KDM4C: variants seen among roughly 807,000 people sequenced by gnomAD.
KDM4C encodes lysine-specific demethylase 4C.
A neutral mutation model predicts 129.3 loss-of-function variants in KDM4C; 81 were observed. That is an observed-to-expected ratio of 0.63 (90% CI 0.52 to 0.75). KDM4C has a LOEUF of 0.75. KDM4C is among the 30% of genes least tolerant of loss of function. The probability of loss-of-function intolerance (pLI) is 0.00; values close to 1 mark genes in which losing one functional copy is unlikely to be tolerated. For missense variants in KDM4C, 1,457 were observed against 1,304.0 expected, an observed-to-expected ratio of 1.12 and a Z score of -1.81; for synonymous variants, 573 against 456.1, an observed-to-expected ratio of 1.26 and a Z score of -3.26.
intron 17 of KDM4C, among the ~76,000 whole-genome samples, chr9:7,083,447 CAT>C (rs536438562): frequency 4.3e-4 from 66 of 152,284 alleles, no homozygotes; most frequent in African/African-American, 1.6e-3. Flanking sequence ...TGTGTGCAAA[CAT>C]AGAGTGTGCC....
chr9:6,906,761 T>G (rs1818397027), intron 8 of KDM4C, among the ~76,000 whole-genome samples: 2 of 152,150 alleles, frequency 1.3e-5, no homozygotes, highest in Non-Finnish European at 1.5e-5. Context: ...TTTAAAAATT[T>G]CTCTTTGGGT....
At chr9:7,059,197 G>A (rs1831274746) in intron 17 of KDM4C, among the ~76,000 whole-genome samples, 1 of 152,104 alleles carries the variant, frequency 6.6e-6, no homozygotes, top group South Asian at 2.1e-4. Flanking sequence ...TCACCCAGGT[G>A]GGAGTGCAGT....
intron 8 of KDM4C, among the ~76,000 whole-genome samples, chr9:6,919,864 T>C (rs1191936146): frequency 6.6e-6 from 1 of 152,118 alleles, no homozygotes; most frequent in East Asian, 1.9e-4. Context: ...TGTGAGCCAC[T>C]GCACCTGGCC....
At chr9:7,136,152 T>C (rs772815996) in intron 19 of KDM4C, among the ~76,000 whole-genome samples, 28 of 152,236 alleles carry the variant, frequency 1.8e-4, no homozygotes, top group Non-Finnish European at 3.7e-4. Context: ...TTTCAGACGC[T>C]TTGCAATGTT....
intron 1 of KDM4C, among the ~76,000 whole-genome samples, chr9:6,727,750 A>G (rs988985928): frequency 4.8e-5 from 7 of 145,388 alleles, no homozygotes; most frequent in Admixed American, 2.1e-4. Flanking sequence ...GAATCATTCT[A>G]CCTATACAAA....
chr9:7,066,980 A>G (rs902219248), intron 17 of KDM4C, among the ~76,000 whole-genome samples: 1 of 152,232 alleles, frequency 6.6e-6, no homozygotes, highest in Non-Finnish European at 1.5e-5. Context: ...ACAAGAGGGA[A>G]TCAGTGGCCC....
chr9:7,014,087 C>T, intron 14 of KDM4C, 86 bp downstream of exon 14: 1 of 1,020,342 alleles, frequency 9.8e-7, no homozygotes, highest in South Asian at 1.5e-5. Context: ...CCTGTCAGAT[C>T]TGTTGCATGG....
intron 19 of KDM4C, among the ~76,000 whole-genome samples, chr9:7,156,422 C>T (rs1843176948): frequency 6.6e-6 from 1 of 152,166 alleles, no homozygotes; most frequent in Non-Finnish European, 1.5e-5. Flanking sequence ...TCATGAAGTC[C>T]TTGGCCATGC....
At chr9:6,993,657 G>A (rs991041186) in intron 12 of KDM4C, among the ~76,000 whole-genome samples, 1 of 152,188 alleles carries the variant, frequency 6.6e-6, no homozygotes, top group African/African-American at 2.4e-5. Context: ...TGGTGCACCC[G>A]TGCACTTAGG....
intron 1 of KDM4C, among the ~76,000 whole-genome samples, chr9:6,775,532 T>G (rs759970910): frequency 6.6e-6 from 1 of 151,758 alleles, no homozygotes; most frequent in Non-Finnish European, 1.5e-5. Context: ...AGCAAATGGT[T>G]TTTTTTTGAG....
At chr9:6,817,982 G>C (rs1295738803) in intron 4 of KDM4C, among the ~76,000 whole-genome samples, 1 of 151,778 alleles carries the variant, frequency 6.6e-6, no homozygotes, top group African/African-American at 2.4e-5. Context: ...GGCCAGGTTG[G>C]TCTCAATCTC....
intron 4 of KDM4C, among the ~76,000 whole-genome samples, chr9:6,820,819 C>T (rs1298688053): frequency 6.6e-6 from 1 of 151,240 alleles, no homozygotes; most frequent in South Asian, 2.1e-4. Context: ...TTGCTGCACC[C>T]ATCAACTCAT....
chr9:6,744,615 T>G (rs1013720900), intron 1 of KDM4C, among the ~76,000 whole-genome samples: 1 of 152,154 alleles, frequency 6.6e-6, no homozygotes, highest in Non-Finnish European at 1.5e-5. Context: ...AGATTGGTCT[T>G]GAATTCCTGG....
intron 8 of KDM4C, among the ~76,000 whole-genome samples, chr9:6,944,414 TC>T (rs1268703658): frequency 6.6e-6 from 1 of 152,212 alleles, no homozygotes; most frequent in East Asian, 1.9e-4. Context: ...AGTACATTGT[TC>T]AAAAGAGCTG....
Position 7,098,418 on chromosome 9 carries a change from C to G in KDM4C, c.2425-5267C>G, listed in dbSNP as rs75918438. Among the ~76,000 whole-genome samples, 382 of 152,354 alleles carry G rather than the reference C, an allele frequency of 2.5e-3. 1 individual carries two copies. Among genetic ancestry groups the G allele is most frequent in the East Asian group, 6.4e-3 (33 of 5,184 alleles). ...TATGATAAGGATTTAATTCAACACA[C>G]TTGGCATTATGAGCCATTTATTTTA... On this transcript the variant is annotated intron_variant, in intron 17 of 21. Transcript: ENST00000381309.
chr9:6,957,683 G>C (rs1179031057), intron 8 of KDM4C, among the ~76,000 whole-genome samples: 1 of 152,100 alleles, frequency 6.6e-6, no homozygotes, highest in African/African-American at 2.4e-5. Context: ...ATGGAACCAG[G>C]AGTGGGTCTG....
chr9:6,896,293 C>G (rs964254493), intron 8 of KDM4C, among the ~76,000 whole-genome samples: 3 of 152,078 alleles, frequency 2.0e-5, no homozygotes, highest in African/African-American at 4.8e-5. Context: ...AATATGAGCA[C>G]TTTTTCATAA....
chr9:6,823,786 G>T (rs929502822), intron 4 of KDM4C, among the ~76,000 whole-genome samples: 16 of 152,206 alleles, frequency 1.1e-4, no homozygotes, highest in African/African-American at 3.6e-4. Context: ...CTGCTATGTT[G>T]AAGAGATTGG....
chr9:7,090,298 TTTTTA>T (rs1835649544), intron 17 of KDM4C, among the ~76,000 whole-genome samples: 1 of 152,236 alleles, frequency 6.6e-6, no homozygotes, highest in African/African-American at 2.4e-5. Flanking sequence ...AGTAGATTTA[TTTTTA>T]TTTTATTTGA....
Sources: gnomAD v4.1 joint callset for allele counts (sites outside exome capture counted in the v4.1 genomes callset) on GRCh38, gnomAD v4.1.1 for gene constraint, MANE v1.5 for transcripts, NCBI Gene and HGNC (gene_info 2026-07-23, HGNC 2026-07-21) for gene names.